The following MPDZ variants were observed in gnomAD, a reference collection of about 807,000 sequenced individuals.
MPDZ encodes the protein multiple PDZ domain crumbs cell polarity complex component.
Under a neutral mutation model 239.1 loss-of-function variants are expected in MPDZ, and 234 were observed. The ratio of observed to expected loss-of-function variants is 0.98; its 90% CI spans 0.88 to 1.09. MPDZ has a LOEUF of 1.09. MPDZ is among the 50% of genes least tolerant of loss of function. The probability of loss-of-function intolerance (pLI) is 0.00; values close to 1 mark genes in which losing one functional copy is unlikely to be tolerated. For missense variants in MPDZ, 3,175 were observed against 2,510.0 expected, an observed-to-expected ratio of 1.26 and a Z score of -5.66; for synonymous variants, 1,048 against 881.3, an observed-to-expected ratio of 1.19 and a Z score of -3.35.
intron 3 of MPDZ, among the ~76,000 whole-genome samples, chr9:13,243,572 A>T (rs1965918407): frequency 6.6e-6 from 1 of 152,170 alleles, no homozygotes; most frequent in Non-Finnish European, 1.5e-5. Flanking sequence ...CTTACATAGA[A>T]ATATAAAACC....
At position 13,150,394 on chromosome 9, in the gene MPDZ, G is replaced by A. The variant is rs1047366400; in HGVS notation, c.3630+117C>T. On this transcript the variant is annotated intron_variant, in intron 25 of 46. Transcript: ENST00000319217. ...TCCCTCGGTACAAAGGGTGGAGCAG[G>A]TGAAAAATTTTAGCACATGTACCCT... 17 of 667,610 alleles carry A rather than the reference G, an allele frequency of 2.5e-5. No individual in the cohort carries two copies. The South Asian group carries it at 3.4e-4, about 13-fold the overall frequency. The allele number at this position is 667,610 out of a possible 1,614,324, so 41.4% of individuals were successfully genotyped here.
chr9:13,233,353 T>C (rs1963059349), intron 3 of MPDZ, among the ~76,000 whole-genome samples: 1 of 152,064 alleles, frequency 6.6e-6, no homozygotes, highest in South Asian at 2.1e-4. Context: ...GAACTACTAC[T>C]ACACATACAA....
chr9:13,138,754 T>C (rs902213086), intron 28 of MPDZ, among the ~76,000 whole-genome samples: 3 of 152,194 alleles, frequency 2.0e-5, no homozygotes. Context: ...ATGGTTATTG[T>C]GCACCCTCTT....
At chr9:13,158,303 G>A (rs961142079) in intron 23 of MPDZ, among the ~76,000 whole-genome samples, 193 bp from the exon 24 acceptor site, 4 of 152,104 alleles carry the variant, frequency 2.6e-5, no homozygotes, top group African/African-American at 7.2e-5. Context: ...CCTTGCTTTA[G>A]AATCAACGTA....
intron 3 of MPDZ, among the ~76,000 whole-genome samples, chr9:13,225,861 T>C (rs1960408234): frequency 6.6e-6 from 1 of 152,076 alleles, no homozygotes; most frequent in East Asian, 1.9e-4. Context: ...CCCAGCAAAA[T>C]GGAAGCTTCC....
intron 2 of MPDZ, among the ~76,000 whole-genome samples, chr9:13,249,008 A>AAAAC (rs1279043046): frequency 8.0e-5 from 10 of 125,254 alleles, no homozygotes; most frequent in Non-Finnish European, 1.7e-4. Context: ...AAAAAAAAAA[A>AAAAC]ATTGGAATCA....
intron 29 of MPDZ, 23 bp from the exon 30 acceptor site, chr9:13,136,826 G>A: frequency 2.8e-6 from 4 of 1,445,408 alleles, no homozygotes; most frequent in Non-Finnish European, 3.8e-6. Context: ...AATATCATTA[G>A]TTGGGCCTGA....
intron 17 of MPDZ, among the ~76,000 whole-genome samples, chr9:13,187,748 T>G (rs1954320840): frequency 6.8e-6 from 1 of 146,206 alleles, no homozygotes; most frequent in Non-Finnish European, 1.5e-5. Flanking sequence ...ATTTATGTGT[T>G]TGCATTTTCT....
chr9:13,111,122 G>A (rs1283041139), intron 43 of MPDZ, among the ~76,000 whole-genome samples: 4 of 152,210 alleles, frequency 2.6e-5, no homozygotes, highest in Non-Finnish European at 4.4e-5. Context: ...TCGGAGGTTG[G>A]CAAACTAAGG....
At position 13,260,348 on chromosome 9, in the gene MPDZ, G is replaced by A. The variant is rs544555386; in HGVS notation, c.-57-9976C>T. Among the ~76,000 whole-genome samples, 6 of 152,276 alleles carry A rather than the reference G, an allele frequency of 3.9e-5. No individual in the cohort carries two copies. The South Asian group carries it at 1.2e-3, about 32-fold the overall frequency. On this transcript the variant is annotated intron_variant, in intron 1 of 46. Coordinates refer to ENST00000319217, the MANE Select transcript of MPDZ (RefSeq NM_001378778.1). ...AGATTAGTTAAGAGATGTAAGTACT[G>A]TGACATGGTAATATGGAGGTAAGGA...
chr9:13,111,472 G>A (rs947402176), intron 43 of MPDZ, among the ~76,000 whole-genome samples: 4 of 152,160 alleles, frequency 2.6e-5, no homozygotes, highest in African/African-American at 7.2e-5. Context: ...AGACTGAGTT[G>A]CGTTAATGGA....
At position 13,258,528 on chromosome 9, in the gene MPDZ, A is replaced by T. The variant is rs181073357; in HGVS notation, c.-57-8156T>A. Among the ~76,000 whole-genome samples the T allele has an allele frequency of 9.6e-4, 146 of 152,356 alleles. 1 individual carries two copies. The highest frequency in any genetic ancestry group is 3.4e-3 in the African/African-American group (141 of 41,584). On this transcript the variant is annotated intron_variant, in intron 1 of 46. Coordinates refer to ENST00000319217, the MANE Select transcript of MPDZ (RefSeq NM_001378778.1). ...CGAAGGCACAGTTGTAGTCAATTGC[A>T]AGTAGTTTTTCATAAATCCAATTGT...
At chr9:13,152,355 C>T (rs1056049027) in intron 24 of MPDZ, among the ~76,000 whole-genome samples, 8 of 152,110 alleles carry the variant, frequency 5.3e-5, no homozygotes, top group Admixed American at 2.6e-4. Flanking sequence ...ACAATTCCCA[C>T]GTATTGTTGG....
intron 3 of MPDZ, among the ~76,000 whole-genome samples, chr9:13,238,637 C>T (rs899889009): frequency 6.6e-6 from 1 of 152,140 alleles, no homozygotes; most frequent in Non-Finnish European, 1.5e-5. Context: ...AATGCTACTT[C>T]AACAGTGCAA....
chr9:13,256,715 A>T (rs1271206256), intron 1 of MPDZ, among the ~76,000 whole-genome samples: 1 of 152,194 alleles, frequency 6.6e-6, no homozygotes, highest in Non-Finnish European at 1.5e-5. Flanking sequence ...AAATGGTAAC[A>T]TCAAAGATTA....
At chr9:13,207,579 T>C (rs1347244467) in intron 10 of MPDZ, among the ~76,000 whole-genome samples, 1 of 152,232 alleles carries the variant, frequency 6.6e-6, no homozygotes, top group Non-Finnish European at 1.5e-5. Context: ...AATTGCTTTA[T>C]ATTTCAGTTC....
chr9:13,160,830 T>TTATATATATATATATA (rs58374268), intron 23 of MPDZ, among the ~76,000 whole-genome samples: 409 of 37,916 alleles, frequency 0.011, 33 homozygotes, highest in Non-Finnish European at 0.014. Context: ...ATTATTAAAA[T>TTATATATATATATATA]TATATATATA....
At chr9:13,196,353 T>C (rs1955647628) in intron 12 of MPDZ, 123 bp from the exon 13 acceptor site, 1 of 534,888 alleles carries the variant, frequency 1.9e-6, no homozygotes, top group Non-Finnish European at 3.3e-6. Flanking sequence ...GCCCAATATA[T>C]GGGCTATTCT....
Position 13,125,401 on chromosome 9 carries a change from G to C in MPDZ, c.4633-11C>G. ...CAGAAGGCTAATAAACTGGCAGGGT[G>C]TATGTGTGGAAGAGAAACAAAATTC... On this transcript the variant is annotated splice_polypyrimidine_tract_variant and intron_variant, in intron 34 of 46. Transcript: ENST00000319217. 6.2e-7 allele frequency: 1 copy of C among 1,610,712 alleles called. No individual in the cohort carries two copies. Among genetic ancestry groups the C allele is most frequent in the Non-Finnish European group, 8.5e-7 (1 of 1,177,504 alleles).
Sources: gnomAD v4.1 joint callset for allele counts (sites outside exome capture counted in the v4.1 genomes callset) on GRCh38, gnomAD v4.1.1 for gene constraint, MANE v1.5 for transcripts, NCBI Gene and HGNC (gene_info 2026-07-23, HGNC 2026-07-21) for gene names.